The following IGFN1 variants were observed in gnomAD, a reference collection of about 807,000 sequenced individuals.
IGFN1 encodes immunoglobulin like and fibronectin type III domain containing 1, also known as immunoglobulin-like and fibronectin type III domain-containing protein 1.
Under a neutral mutation model 289.5 loss-of-function variants are expected in IGFN1, and 253 were observed. The observed-to-expected ratio is 0.87, with a 90% CI of 0.79 to 0.97. The LOEUF (loss-of-function observed/expected upper bound fraction) is 0.97, where lower values mean the gene tolerates loss of function less well. IGFN1 is among the 50% of genes least tolerant of loss of function. IGFN1 has a pLI of 0.00. For missense variants in IGFN1, 4,470 were observed against 4,686.1 expected, an observed-to-expected ratio of 0.95 and a Z score of 1.35; for synonymous variants, 1,706 against 1,788.5, an observed-to-expected ratio of 0.95 and a Z score of 1.16.
rs752919772 is a variant in IGFN1 at position 201,209,540 on chromosome 1, G to T, written c.4647G>T (p.Thr1549=). Residue 1549 remains threonine, a synonymous_variant, in exon 12 of 24, where the codon ACG becomes ACT. Coordinates refer to ENST00000335211, the MANE Select transcript of IGFN1 (RefSeq NM_001164586.2). ...GTTCAGGGAGTAAGGCAGGTTTTAC[G>T]GATGGTTTAGGAGGTTCTGAAGAAA... ...AIGSGSKAGF[T]DGLGGSEEMG... The T allele has an allele frequency of 2.0e-6, 3 of 1,525,568 alleles. No homozygotes were observed. The highest frequency in any genetic ancestry group is 2.6e-6 in the Non-Finnish European group (3 of 1,140,646). 94.5% of individuals were successfully genotyped at this position (1,525,568 alleles called of 1,614,324 possible). A position where few individuals can be genotyped will look rare whatever the true frequency, so the allele number is the denominator to read the frequency against.
At chr1:201,221,320 T>C in intron 18 of IGFN1, 124 bp from the exon 19 acceptor site, 1 of 752,262 alleles carries the variant, frequency 1.3e-6, no homozygotes, top group South Asian at 2.0e-5. Context: ...TCAGGAAGAA[T>C]CTAAAGGCAG....
rs1205077978 is a variant in IGFN1, at chr1:201,212,553, T to A, written c.7660T>A (p.Trp2554Arg). The change falls in exon 12 of 24, where the codon TGG becomes AGG. Residue 2554 changes from tryptophan (W) to arginine (R), a missense_variant. Transcript: ENST00000335211. ...ALGSGYERDI[W>R]KAGPGMTDRG... ...AGGGTCTGGATATGAACGGGACATCTGGAAAGCAGGCCCAGGAATGACAGA... is the reference window on the plus strand; with the variant it reads ...AGGGTCTGGATATGAACGGGACATCAGGAAAGCAGGCCCAGGAATGACAGA... The A allele has an allele frequency of 1.3e-6, 2 of 1,549,276 alleles. No homozygotes were observed. Among genetic ancestry groups the A allele is most frequent in the African/African-American group, 2.7e-5 (2 of 72,874 alleles).
At position 201,209,031 on chromosome 1, in the gene IGFN1, A is replaced by G. The variant is rs1290328767; in HGVS notation, c.4138A>G (p.Lys1380Glu). ...GTCAATGGATGAAACAGATAATAGG[A>G]AAGATTTGGGGGTTCCTGAGGGAAT... is the stretch of plus-strand genomic sequence containing the variant. ...IGSMDETDNR[K>E]DLGVPEGMGA... is the part of the protein sequence containing the mutation. Residue 1380 changes from lysine to glutamate, a missense_variant, in exon 12 of 24, where the codon AAA (lysine) becomes GAA (glutamate). Transcript: ENST00000335211. 3 of 1,536,248 alleles carry G rather than the reference A, an allele frequency of 2.0e-6. No individual in the cohort carries two copies. Among genetic ancestry groups the G allele is most frequent in the South Asian group, 1.2e-5 (1 of 84,016 alleles).
At chr1:201,204,044 C>A in intron 10 of IGFN1, 138 bp downstream of exon 10, 2 of 747,326 alleles carry the variant, frequency 2.7e-6, no homozygotes, top group South Asian at 3.9e-5. Flanking sequence ...GGACACATAC[C>A]TAGATGGCCA....
chr1:201,217,167 C>T, intron 16 of IGFN1, 120 bp from the exon 17 acceptor site: 1 of 873,552 alleles, frequency 1.1e-6, no homozygotes, highest in South Asian at 1.6e-5. Context: ...CCCCGACACT[C>T]ACCAGGACAG....
In IGFN1 at chr1:201,222,884, A is replaced by ACTCAG. The variant is rs1653828943; in HGVS notation, c.10290+59_10290+63dup. 1.0e-5 allele frequency: 13 copies of ACTCAG among 1,239,050 alleles called. No homozygotes were observed. In the Admixed American group the frequency reaches 1.1e-4, roughly 10 times the overall value. 76.8% of individuals were successfully genotyped at this position (1,239,050 alleles called of 1,614,324 possible). On this transcript the variant is annotated intron_variant, in intron 20 of 23. Coordinates refer to ENST00000335211, the MANE Select transcript of IGFN1 (RefSeq NM_001164586.2). ...AGCCCAGAGAGGCCAAGGGGGCCAG[A>ACTCAG]CTCAGCCCTGTGGCTCTCTTTTCTT...
rs79349131 is a variant in IGFN1 at position 201,199,541 on chromosome 1, G to A, written c.413-68G>A. ...CTCAGTTGTCAGCATGGACAACACA[G>A]AAAAGCTCTGCATCAACCCTCAGTC... On this transcript the variant is annotated intron_variant, in intron 6 of 23. Transcript: ENST00000335211. 6.7e-4 allele frequency: 998 copies of A among 1,486,300 alleles called. 17 individuals are homozygous for A. In the East Asian group the frequency reaches 0.023, roughly 35 times the overall value. The allele number at this position is 1,486,300 out of a possible 1,614,324, so 92.1% of individuals were successfully genotyped here. A position where few individuals can be genotyped will look rare whatever the true frequency, so the allele number is the denominator to read the frequency against.
At chr1:201,201,501 A>C (rs1403785978) in intron 8 of IGFN1, among the ~76,000 whole-genome samples, 1 of 152,122 alleles carries the variant, frequency 6.6e-6, no homozygotes, top group Non-Finnish European at 1.5e-5. Context: ...GCAACTGAAC[A>C]CCTGGGGTCT....
At position 201,213,169 on chromosome 1, in the gene IGFN1, A is replaced by G. The variant is rs1667915945; in HGVS notation, c.8276A>G (p.Asp2759Gly). Reference sequence around the variant, plus strand: ...AGAGATAGGTCAGGAGGGACCCAGGACCTGAGCTCTCAGCGAGGCAAGGGA... The same window carrying G: ...AGAGATAGGTCAGGAGGGACCCAGGGCCTGAGCTCTCAGCGAGGCAAGGGA... ...ASRDRSGGTQ[D>G]LSSQRGKGQR... The change falls in exon 12 of 24, where the codon GAC becomes GGC. Residue 2759 changes from aspartate (D) to glycine (G), a missense_variant. Transcript: ENST00000335211. The G allele has an allele frequency of 2.6e-6, 4 of 1,551,678 alleles. No homozygotes were observed. The highest frequency in any genetic ancestry group is 3.5e-6 in the Non-Finnish European group (4 of 1,146,972).
rs1213691850 is a variant in IGFN1, at chr1:201,208,009, T to C, written c.3116T>C (p.Leu1039Pro). 5 of 1,536,698 alleles carry C rather than the reference T, an allele frequency of 3.3e-6. No homozygotes were observed. The Admixed American group carries it at 9.8e-5, about 30-fold the overall frequency. The change falls in exon 12 of 24, where the codon CTT (leucine) becomes CCT (proline). Residue 1039 changes from leucine (L) to proline (P), a missense_variant. Coordinates refer to ENST00000335211, the MANE Select transcript of IGFN1 (RefSeq NM_001164586.2). The stretch of plus-strand genomic sequence containing the variant: ...GGAGGGTCTGGGAGAGTTGCCAGTC[T>C]TAAAAATGGCTCAGGTGGTCCTGAT... ...AGGGSGRVAS[L>P]KNGSGGPDGA... is the part of the protein sequence containing the mutation.
intron 4 of IGFN1, among the ~76,000 whole-genome samples, chr1:201,196,842 C>T (rs1433452892): frequency 6.6e-6 from 1 of 152,138 alleles, no homozygotes; most frequent in Non-Finnish European, 1.5e-5. Flanking sequence ...TAATTATTCA[C>T]CACTTTTTTG....
At chr1:201,216,852 G>A (rs1168067677) in intron 16 of IGFN1, 99 bp downstream of exon 16, 1 of 1,031,308 alleles carries the variant, frequency 9.7e-7, no homozygotes, top group Non-Finnish European at 1.4e-6. Context: ...ACACCAGCCT[G>A]TGCTCGGGGC....
At position 201,212,409 on chromosome 1, in the gene IGFN1, A is replaced by T. The variant is rs1053587480; in HGVS notation, c.7516A>T (p.Arg2506Ter). Residue 2506 changes from arginine to a stop codon, truncating the protein, a stop_gained, in exon 12 of 24, where the codon AGA (arginine) becomes TGA (stop). Coordinates refer to ENST00000335211, the MANE Select transcript of IGFN1 (RefSeq NM_001164586.2). LOFTEE classifies it high-confidence loss of function. The part of the protein sequence containing the change: ...SSGTPGSSRD[R>*]GAPRVKDRSP... ...TGGGACTCCAGGGTCTTCTAGAGAC[A>T]GAGGGGCTCCCAGGGTGAAGGATAG... The T allele has an allele frequency of 1.3e-6, 2 of 1,536,946 alleles. No individual in the cohort carries two copies. The highest frequency in any genetic ancestry group is 2.4e-5 in the East Asian group (1 of 40,930).
intron 5 of IGFN1, among the ~76,000 whole-genome samples, chr1:201,198,339 T>C (rs892299498): frequency 6.6e-6 from 1 of 152,230 alleles, no homozygotes; most frequent in African/African-American, 2.4e-5. Context: ...TTTCACCACG[T>C]TGGCCAGGCT....
chr1:201,206,112 A>C lies in IGFN1; in HGVS notation c.1219A>C (p.Ser407Arg). The C allele has an allele frequency of 6.4e-7, 1 of 1,550,798 alleles. No homozygotes were observed. ...AGKDKDLQST[S>R]ADHKLQRQGA... ...GAAGGATAAAGACCTTCAGTCCACA[A>C]GTGCTGACCACAAACTGCAGAGGCA... The change falls in exon 12 of 24, where the codon AGT (serine) becomes CGT (arginine). Residue 407 changes from serine to arginine, a missense_variant. Ser to Arg is a moderately radical substitution (Grantham distance 110, BLOSUM62 -1). Around this residue, in one of 8 missense-constraint regions of IGFN1, gnomAD observed 2,011 missense variants for 1,953.4 expected, o/e 1.03. Coordinates refer to ENST00000335211, the MANE Select transcript of IGFN1 (RefSeq NM_001164586.2).
rs748300459 is a variant in IGFN1, at chr1:201,197,313, C to T, written c.363C>T (p.Ile121=). ...EAACSVRLTV[I]EVGFRKNRKR... ...CTTGCTCAGTGAGACTCACTGTCAT[C>T]GAAGGTGGGCTTTTCCCTGAGTTTG... The change falls in exon 5 of 24, where the codon ATC becomes ATT. Residue 121 remains isoleucine (I), a synonymous_variant. Transcript: ENST00000335211. 1.9e-5 allele frequency: 29 copies of T among 1,542,264 alleles called. No individual in the cohort carries two copies. Among genetic ancestry groups the T allele is most frequent in the African/African-American group, 4.1e-5 (3 of 72,834 alleles).
chr1:201,215,284 G>C (rs1472914773), intron 14 of IGFN1, 130 bp downstream of exon 14: 1 of 1,112,238 alleles, frequency 9.0e-7, no homozygotes, highest in Non-Finnish European at 1.3e-6. Flanking sequence ...CATCCCCAGA[G>C]AAGATGATTT....
At chr1:201,195,018 C>A (rs1048941192) in intron 3 of IGFN1, among the ~76,000 whole-genome samples, 1 of 152,114 alleles carries the variant, frequency 6.6e-6, no homozygotes, top group South Asian at 2.1e-4. Flanking sequence ...AGGCATGGAG[C>A]ATGGGGTCTT....
chr1:201,213,553 G>T lies in IGFN1; in HGVS notation c.8660G>T (p.Arg2887Ile). 6.2e-7 allele frequency: 1 copy of T among 1,614,048 alleles called. No individual in the cohort carries two copies. The change falls in exon 12 of 24, where the codon AGA (arginine) becomes ATA (isoleucine). Residue 2887 changes from arginine (R) to isoleucine (I), a missense_variant. Physicochemically the swap from Arg to Ile is moderately conservative, Grantham distance 97. This residue lies in a region of IGFN1 where 2,218 missense variants were observed against 2,114.1 expected (regional missense o/e 1.05). Transcript: ENST00000335211. ...AGGTTGGACATCTATGGAGAGAGGAGAGATGCTACCCGGAGTTCCACATCC... is the reference window on the plus strand; with the variant it reads ...AGGTTGGACATCTATGGAGAGAGGATAGATGCTACCCGGAGTTCCACATCC... Reference protein sequence around the residue: ...DGRLDIYGERRDATRSSTSRY... With the variant: ...DGRLDIYGERIDATRSSTSRY...
Sources: allele counts gnomAD v4.1 joint callset (sites outside exome capture counted in the v4.1 genomes callset), GRCh38; gene constraint gnomAD v4.1.1; regional missense constraint gnomAD v4.1.1; transcripts MANE v1.5; gene names NCBI Gene and HGNC (gene_info 2026-07-23, HGNC 2026-07-21).